The following CHL1 variants were observed in gnomAD, a reference collection of about 807,000 sequenced individuals.
CHL1 encodes the protein neural cell adhesion molecule L1-like protein.
Under a neutral mutation model 141.9 loss-of-function variants are expected in CHL1, and 96 were observed. That is an observed-to-expected ratio of 0.68 (90% CI 0.57 to 0.80). The LOEUF (loss-of-function observed/expected upper bound fraction) is 0.80, where lower values mean the gene tolerates loss of function less well. Ranked by LOEUF, CHL1 falls within the 30% of genes least tolerant of loss-of-function variation. CHL1 has a pLI of 0.00. For missense variants in CHL1, 1,820 were observed against 1,457.2 expected (o/e 1.25, Z -4.05); for synonymous variants, 613 against 502.2 (o/e 1.22, Z -2.95).
intron 2 of CHL1, among the ~76,000 whole-genome samples, chr3:307,724 A>T (rs1436220375): frequency 6.6e-6 from 1 of 152,194 alleles, no homozygotes; most frequent in Non-Finnish European, 1.5e-5. Flanking sequence ...ATACTTACAC[A>T]CTTAACATAC....
chr3:389,156 A>G (rs1708022065), intron 19 of CHL1, 96 bp from the exon 20 acceptor site: 1 of 946,538 alleles, frequency 1.1e-6, no homozygotes, highest in Non-Finnish European at 1.6e-6. Context: ...TGACCATTTC[A>G]TTACATTGTT....
intron 2 of CHL1, among the ~76,000 whole-genome samples, chr3:253,073 C>T (rs1298605859): frequency 6.6e-6 from 1 of 151,974 alleles, no homozygotes; most frequent in Non-Finnish European, 1.5e-5. Context: ...TGTGCTTTTA[C>T]AAGTTACTTA....
chr3:254,183 C>T (rs781223755), intron 2 of CHL1, among the ~76,000 whole-genome samples: 5 of 152,142 alleles, frequency 3.3e-5, no homozygotes, highest in Non-Finnish European at 7.3e-5. Flanking sequence ...ATGTCATGTC[C>T]CCTTTCCAGG....
Position 405,580 on chromosome 3 carries a change from G to A in CHL1, c.3544G>A (p.Glu1182Lys), listed in dbSNP as rs374897001. 100 of 1,613,316 alleles carry A rather than the reference G, an allele frequency of 6.2e-5. No homozygotes were observed. The highest frequency in any genetic ancestry group is 2.8e-4 in the African/African-American group (21 of 74,864). Residue 1182 changes from glutamate to lysine, a missense_variant, in exon 28 of 28, where the codon GAA becomes AAA. Coordinates refer to ENST00000256509, the MANE Select transcript of CHL1 (RefSeq NM_006614.4). ...TACTGAAAGTGCTGACAGCTTAGTC[G>A]AATACGGAGAGGGAGACCATGGTCT... Reference protein sequence around the residue: ...QPTESADSLVEYGEGDHGLFS... With the variant: ...QPTESADSLVKYGEGDHGLFS...
chr3:205,631 T>TTGTGTGTGTC (rs1411830268), intron 1 of CHL1, among the ~76,000 whole-genome samples: 5 of 151,956 alleles, frequency 3.3e-5, no homozygotes, highest in Admixed American at 6.6e-5. Flanking sequence ...GTTCTTATGT[T>TTGTGTGTGTC]TGTGTGTGTC....
rs538217289 is a variant in CHL1 at position 338,037 on chromosome 3, G to T, written c.386-2757G>T. Among the ~76,000 whole-genome samples, 72 of 151,652 alleles carry T rather than the reference G, an allele frequency of 4.7e-4. 1 individual carries two copies. Among genetic ancestry groups the T allele is most frequent in the East Asian group, 7.8e-4 (4 of 5,156 alleles). On this transcript the variant is annotated intron_variant, in intron 5 of 27. Transcript: ENST00000256509. ...CACATCCTCTCCAGCACCTTTTTTT[G>T]GCATTTTTAGTAGAGACGGGGTTTC...
At chr3:399,271 T>C (rs959317894) in intron 26 of CHL1, 123 bp downstream of exon 26, 7 of 688,906 alleles carry the variant, frequency 1.0e-5, no homozygotes, top group South Asian at 1.8e-5. Flanking sequence ...AAGTTAGATG[T>C]ACAATGCACT....
chr3:389,993 A>C (rs1029429176), intron 20 of CHL1, among the ~76,000 whole-genome samples: 1 of 152,192 alleles, frequency 6.6e-6, no homozygotes, highest in Non-Finnish European at 1.5e-5. Context: ...GAAGAAAAAA[A>C]CACTGCATTC....
chr3:271,417 C>A (rs1695625509), intron 2 of CHL1, among the ~76,000 whole-genome samples: 1 of 152,026 alleles, frequency 6.6e-6, no homozygotes, highest in Non-Finnish European at 1.5e-5. Context: ...CCAGCCTGGG[C>A]AATAGAGTGA....
intron 5 of CHL1, among the ~76,000 whole-genome samples, chr3:339,431 A>C (rs1702190976): frequency 6.6e-6 from 1 of 152,236 alleles, no homozygotes; most frequent in Admixed American, 6.5e-5. Context: ...ATGTGATTCA[A>C]AGATGGTTGC....
chr3:251,762 C>G (rs1359324726), intron 2 of CHL1, among the ~76,000 whole-genome samples: 1 of 152,086 alleles, frequency 6.6e-6, no homozygotes, highest in East Asian at 1.9e-4. Flanking sequence ...AGCGATTTTA[C>G]TTATATTTCT....
chr3:203,564 C>T (rs1699141477), intron 1 of CHL1, among the ~76,000 whole-genome samples: 1 of 152,216 alleles, frequency 6.6e-6, no homozygotes, highest in Admixed American at 6.5e-5. Flanking sequence ...TTAGGGGAAG[C>T]CCACAAGGGC....
chr3:294,139 C>T (rs961886674), intron 2 of CHL1, among the ~76,000 whole-genome samples: 5 of 151,618 alleles, frequency 3.3e-5, no homozygotes, highest in Admixed American at 6.6e-5. Flanking sequence ...GGCAACATGA[C>T]GAAACCCTGT....
chr3:267,975 C>T (rs76259999), intron 2 of CHL1, among the ~76,000 whole-genome samples: 22 of 152,174 alleles, frequency 1.4e-4, no homozygotes, highest in African/African-American at 4.6e-4. Flanking sequence ...TAAAATGATT[C>T]TTTCCTATGA....
chr3:316,685 G>T (rs1700175702), intron 2 of CHL1, among the ~76,000 whole-genome samples: 1 of 151,714 alleles, frequency 6.6e-6, no homozygotes, highest in African/African-American at 2.4e-5. Context: ...AATGCTTCAG[G>T]TGATGGATAC....
intron 2 of CHL1, among the ~76,000 whole-genome samples, chr3:281,559 CT>C (rs71619446): frequency 0.074 from 10,048 of 135,184 alleles, 237 homozygotes; most frequent in African/African-American, 0.099. Context: ...CAATTTGTAC[CT>C]TTTTTTTTTT....
At chr3:303,551 AG>A (rs1412267406) in intron 2 of CHL1, among the ~76,000 whole-genome samples, 2 of 152,304 alleles carry the variant, frequency 1.3e-5, no homozygotes, top group East Asian at 3.9e-4. Flanking sequence ...ATTGGTGGAT[AG>A]GAATGCTTGT....
chr3:236,781 T>G (rs965269311), intron 1 of CHL1, among the ~76,000 whole-genome samples: 1 of 145,996 alleles, frequency 6.8e-6, no homozygotes, highest in Non-Finnish European at 1.5e-5. Flanking sequence ...TCTTCCTCTG[T>G]GTGAATCCCA....
rs149464361 is a variant in CHL1, at chr3:319,693, A to G, written c.-84A>G. ...TGTTTGTGTTTTTAGTTTCCAGGTTAACTAAGGTCTCAGCTGTAAACCAAA... is the reference window on the plus strand; with the variant it reads ...TGTTTGTGTTTTTAGTTTCCAGGTTGACTAAGGTCTCAGCTGTAAACCAAA... On this transcript the variant is annotated 5_prime_UTR_variant, in exon 3 of 28. Transcript: ENST00000256509. 172 of 766,594 alleles carry G rather than the reference A, an allele frequency of 2.2e-4. No homozygotes were observed. Among genetic ancestry groups the G allele is most frequent in the African/African-American group, 1.9e-3 (107 of 56,032 alleles). 47.5% of individuals were successfully genotyped at this position (766,594 alleles called of 1,614,324 possible).
Sources: allele counts gnomAD v4.1 joint callset (sites outside exome capture counted in the v4.1 genomes callset), GRCh38; gene constraint gnomAD v4.1.1; transcripts MANE v1.5; gene names NCBI Gene and HGNC (gene_info 2026-07-23, HGNC 2026-07-21).